The following STON2 variants were observed in gnomAD, a reference collection of about 807,000 sequenced individuals.
STON2 encodes stonin-2.
In STON2, 29 loss-of-function variants were observed where a neutral mutation model predicts 65.7. The ratio of observed to expected loss-of-function variants is 0.44; its 90% CI spans 0.33 to 0.60. STON2 has a LOEUF of 0.60. Ranked by LOEUF, STON2 falls within the 20% of genes least tolerant of loss-of-function variation. The pLI is 0.03. For missense variants in STON2, 1,054 were observed against 1,118.1 expected, an observed-to-expected ratio of 0.94 and a Z score of 0.82; for synonymous variants, 404 against 414.2, an observed-to-expected ratio of 0.98 and a Z score of 0.30.
At chr14:81,320,729 A>C (rs1204898748) in intron 5 of STON2, among the ~76,000 whole-genome samples, 2 of 152,066 alleles carry the variant, frequency 1.3e-5, no homozygotes, top group Non-Finnish European at 2.9e-5. Context: ...CTCCCCTCTT[A>C]TGAGGATGTG....
intron 5 of STON2, among the ~76,000 whole-genome samples, chr14:81,296,191 A>G (rs1247689078): frequency 6.6e-6 from 1 of 152,238 alleles, no homozygotes; most frequent in East Asian, 1.9e-4. Flanking sequence ...GCAGGACATT[A>G]AATGTATTTA....
chr14:81,342,483 T>C (rs1352834193), intron 4 of STON2, among the ~76,000 whole-genome samples: 1 of 152,130 alleles, frequency 6.6e-6, no homozygotes, highest in Non-Finnish European at 1.5e-5. Context: ...CACACAGAAA[T>C]GTCACAGTGC....
chr14:81,281,939 C>G (rs1369915596), intron 5 of STON2, among the ~76,000 whole-genome samples: 1 of 151,994 alleles, frequency 6.6e-6, no homozygotes, highest in Non-Finnish European at 1.5e-5. Context: ...AGTTTCATGT[C>G]CCATAATTGC....
At chr14:81,334,926 C>G (rs549131422) in intron 4 of STON2, among the ~76,000 whole-genome samples, 1 of 152,234 alleles carries the variant, frequency 6.6e-6, no homozygotes, top group African/African-American at 2.4e-5. Flanking sequence ...CAACCTGTAT[C>G]TCCCAGGCTC....
At chr14:81,404,353 A>C (rs570834672), upstream of STON2, among the ~76,000 whole-genome samples, 2 of 152,202 alleles carry the variant, frequency 1.3e-5, no homozygotes, top group Non-Finnish European at 2.9e-5. Flanking sequence ...AAAATATCTA[A>C]TAATTTTATA....
intron 5 of STON2, among the ~76,000 whole-genome samples, chr14:81,312,414 CAA>C (rs746726819): frequency 6.6e-6 from 1 of 152,220 alleles, no homozygotes; most frequent in South Asian, 2.1e-4. Flanking sequence ...CAAGGTAACG[CAA>C]AGAGGCTACT....
chr14:81,347,902 C>CAAAAAAAAAAAAAAAA (rs755109204), intron 4 of STON2, among the ~76,000 whole-genome samples: 16 of 51,550 alleles, frequency 3.1e-4, no homozygotes, highest in East Asian at 5.9e-4. Flanking sequence ...TGTCTCTTAC[C>CAAAAAAAAAAAAAAAA]AAAAAAAAAA....
chr14:81,342,768 A>AG (rs144864186), intron 4 of STON2, among the ~76,000 whole-genome samples: 13 of 152,094 alleles, frequency 8.5e-5, no homozygotes, highest in Non-Finnish European at 1.8e-4. Context: ...ATGGTCTAGA[A>AG]GGGGGGGCAT....
chr14:81,340,429 C>T (rs1305110446), intron 4 of STON2, among the ~76,000 whole-genome samples: 1 of 152,148 alleles, frequency 6.6e-6, no homozygotes, highest in Non-Finnish European at 1.5e-5. Flanking sequence ...TGAAACTCCA[C>T]TCCTGAAAGC....
At chr14:81,427,845 T>C (rs1028027056) in intron 1 of STON2, among the ~76,000 whole-genome samples, 4 of 152,186 alleles carry the variant, frequency 2.6e-5, no homozygotes, top group African/African-American at 9.7e-5. Context: ...AGTGCACAGA[T>C]AGCCCCTGTT....
chr14:81,331,063 G>C (rs1490982309), intron 4 of STON2, among the ~76,000 whole-genome samples: 2 of 152,244 alleles, frequency 1.3e-5, no homozygotes, highest in Non-Finnish European at 2.9e-5. Flanking sequence ...CCAGCTATGG[G>C]TCAAAAGCAC....
chr14:81,298,196 A>T (rs935112618), intron 5 of STON2, among the ~76,000 whole-genome samples: 2 of 152,214 alleles, frequency 1.3e-5, no homozygotes, highest in African/African-American at 4.8e-5. Flanking sequence ...GATGAAGCCT[A>T]TTCTAGATGC....
At chr14:81,382,956 T>A (rs1899603965) in intron 3 of STON2, among the ~76,000 whole-genome samples, 1 of 152,208 alleles carries the variant, frequency 6.6e-6, no homozygotes, top group Admixed American at 6.5e-5. Flanking sequence ...TCCGATAAGT[T>A]ATTTTATTCA....
intron 7 of STON2, chr14:81,269,404 T>C (rs1277498865): frequency 1.0e-5 from 10 of 985,296 alleles, no homozygotes; most frequent in Non-Finnish European, 9.6e-6. Flanking sequence ...TCACTGTAAT[T>C]ATCAAGAAAT....
At chr14:81,354,979 C>T (rs530282573) in intron 4 of STON2, among the ~76,000 whole-genome samples, 3 of 150,680 alleles carry the variant, frequency 2.0e-5, no homozygotes, top group Non-Finnish European at 4.4e-5. Flanking sequence ...GAGATCACTC[C>T]GTCTCAGAAG....
intron 1 of STON2, among the ~76,000 whole-genome samples, chr14:81,399,194 A>C (rs761693572): frequency 6.6e-6 from 1 of 152,232 alleles, no homozygotes; most frequent in Non-Finnish European, 1.5e-5. Context: ...TATTTAAATT[A>C]GTTACAATGG....
At chr14:81,379,398 T>G (rs958585879) in intron 3 of STON2, among the ~76,000 whole-genome samples, 1 of 152,190 alleles carries the variant, frequency 6.6e-6, no homozygotes, top group Admixed American at 6.5e-5. Context: ...TGGAGAAAGA[T>G]ATATATGGAG....
intron 7 of STON2, 33 bp from the exon 8 acceptor site, chr14:81,268,530 AAAAG>A: frequency 7.8e-7 from 1 of 1,288,260 alleles, no homozygotes; most frequent in Non-Finnish European, 1.0e-6. Flanking sequence ...ATAAAGATCA[AAAAG>A]AAGAGAAAAA....
chr14:81,396,642 C>A (rs1900338042), intron 2 of STON2, among the ~76,000 whole-genome samples: 1 of 152,190 alleles, frequency 6.6e-6, no homozygotes, highest in South Asian at 2.1e-4. Context: ...CCACAGGACA[C>A]CAGGTGCAAA....
Sources: gnomAD v4.1 joint callset for allele counts (sites outside exome capture counted in the v4.1 genomes callset) on GRCh38, gnomAD v4.1.1 for gene constraint, MANE v1.5 for transcripts, NCBI Gene and HGNC (gene_info 2026-07-23, HGNC 2026-07-21) for gene names.